Variants in MBTD1 observed in about 807,000 individuals in gnomAD.
MBTD1 encodes mbt domain containing 1, also known as MBT domain-containing protein 1.
MBTD1 carries 24 observed loss-of-function variants against 87.8 expected under a neutral mutation model. That is an observed-to-expected ratio of 0.27 (90% CI 0.20 to 0.38). MBTD1 has a LOEUF of 0.38. MBTD1 is among the 10% of genes least tolerant of loss of function. The pLI is 1.00. For missense variants in MBTD1, 436 were observed against 760.2 expected, an observed-to-expected ratio of 0.57 and a Z score of 5.02; for synonymous variants, 237 against 248.6, an observed-to-expected ratio of 0.95 and a Z score of 0.44.
chr17:51,260,926 G>A (rs574821112), upstream of MBTD1: 17 of 1,554,046 alleles, frequency 1.1e-5, no homozygotes, highest in East Asian at 2.6e-5. Flanking sequence ...GAGGCCCGAG[G>A]GTGAGGGAGG....
rs1398004814 is a variant in MBTD1 at position 51,225,153 on chromosome 17, G to A, written c.9C>T (p.Asp3=). ...TGTCCTCACTGCAGCTATCATAACC[G>A]TCAAACATCCCGAAAGAATCTCTTC... MF[D]GYDSCSEDTS... Residue 3 remains aspartate (D), a synonymous_variant, in exon 3 of 17, where the codon GAC becomes GAT. Coordinates refer to ENST00000586178, the MANE Select transcript of MBTD1 (RefSeq NM_017643.3). 9.7e-6 allele frequency: 15 copies of A among 1,543,622 alleles called. No homozygotes were observed. Among genetic ancestry groups the A allele is most frequent in the Admixed American group, 2.0e-5 (1 of 48,940 alleles).
At chr17:51,195,137 T>C in intron 13 of MBTD1, 77 bp downstream of exon 13, 1 of 1,303,348 alleles carries the variant, frequency 7.7e-7, no homozygotes, top group Non-Finnish European at 1.1e-6. Context: ...TCTAGGGCTG[T>C]GTTAAATGTT....
intron 12 of MBTD1, 82 bp from the exon 13 acceptor site, chr17:51,195,443 G>A: frequency 3.4e-6 from 4 of 1,164,942 alleles, no homozygotes; most frequent in African/African-American, 1.6e-5. Flanking sequence ...TAAAAGAAAG[G>A]AAAATCTATT....
At chr17:51,202,997 T>A in intron 9 of MBTD1, 62 bp from the exon 10 acceptor site, 1 of 1,384,104 alleles carries the variant, frequency 7.2e-7, no homozygotes, top group Non-Finnish European at 1.0e-6. Flanking sequence ...GAAATTTTTG[T>A]ATTATACTGT....
Position 51,202,901 on chromosome 17 carries a change from C to A in MBTD1, c.863G>T (p.Cys288Phe). 2 of 1,614,060 alleles carry A rather than the reference C, an allele frequency of 1.2e-6. No homozygotes were observed. The highest frequency in any genetic ancestry group is 8.5e-7 in the Non-Finnish European group (1 of 1,179,966). ...SESMQYPFKPCMRVEVVDKRH... is the reference protein window; with the variant it reads ...SESMQYPFKPFMRVEVVDKRH... ...CTTGTCAACCACTTCTACTCTCATG[C>A]AAGGTTTGAAAGGATACTGCATACT... is the stretch of plus-strand genomic sequence containing the variant. Residue 288 changes from cysteine (C) to phenylalanine (F), a missense_variant, in exon 10 of 17, where the codon TGC (cysteine) becomes TTC (phenylalanine). Physicochemically the swap from Cys to Phe is radical, Grantham distance 205. This residue lies in a region of MBTD1 where 268 missense variants were observed against 401.8 expected (regional missense o/e 0.67). Coordinates refer to ENST00000586178, the MANE Select transcript of MBTD1 (RefSeq NM_017643.3).
intron 6 of MBTD1, among the ~76,000 whole-genome samples, chr17:51,216,747 C>T (rs1026519677): frequency 4.6e-5 from 7 of 152,154 alleles, no homozygotes; most frequent in Non-Finnish European, 7.4e-5. Context: ...CTAGCAATTT[C>T]ATTTACTTTC....
chr17:51,184,520 C>T (rs2050449884), intron 16 of MBTD1: 1 of 152,224 alleles, frequency 6.6e-6, no homozygotes, highest in African/African-American at 2.4e-5. Context: ...CCAAGTCCCA[C>T]AAGTTGTGCC....
intron 6 of MBTD1, among the ~76,000 whole-genome samples, chr17:51,210,406 G>A (rs574310249): frequency 6.6e-6 from 1 of 152,232 alleles, no homozygotes; most frequent in South Asian, 2.1e-4. Flanking sequence ...GTGGAAGTAA[G>A]ATTAAGGCTG....
chr17:51,218,865 T>A, intron 5 of MBTD1, 65 bp downstream of exon 5: 3 of 946,996 alleles, frequency 3.2e-6, no homozygotes, highest in African/African-American at 1.6e-5. Flanking sequence ...AATTACAATG[T>A]CATTAATTAA....
intron 6 of MBTD1, among the ~76,000 whole-genome samples, chr17:51,213,086 T>A (rs2052349906): frequency 6.6e-6 from 1 of 152,150 alleles, no homozygotes; most frequent in East Asian, 1.9e-4. Context: ...TCACCTAGGC[T>A]GGAGTGCAGT....
intron 16 of MBTD1, among the ~76,000 whole-genome samples, chr17:51,186,785 A>C (rs910835666): frequency 3.7e-4 from 56 of 151,858 alleles, no homozygotes; most frequent in African/African-American, 1.3e-3. Flanking sequence ...AAAAAAAAAA[A>C]CCAAAACAAA....
chr17:51,201,537 G>T, intron 12 of MBTD1, 55 bp downstream of exon 12: 1 of 1,143,930 alleles, frequency 8.7e-7, no homozygotes, highest in Non-Finnish European at 1.3e-6. Context: ...CCTTCTATTA[G>T]CTTATACCCA....
chr17:51,257,114 CAA>C (rs893226572), intron 2 of MBTD1, among the ~76,000 whole-genome samples: 4 of 152,184 alleles, frequency 2.6e-5, no homozygotes, highest in African/African-American at 9.7e-5. Flanking sequence ...TGCCTGAAAT[CAA>C]AAGTCATCTT....
chr17:51,252,331 C>A (rs1598441177), intron 2 of MBTD1, among the ~76,000 whole-genome samples: 1 of 152,124 alleles, frequency 6.6e-6, no homozygotes, highest in African/African-American at 2.4e-5. Context: ...TCTCCCCCCT[C>A]CCCAATACTG....
chr17:51,193,166 T>C lies in MBTD1; in HGVS notation c.1456-150A>G, dbSNP rs149834848. ...AAATAATTCTTTAACTATTTAAACA[T>C]AGTACGAAGGTGAAGTATTTAAAAA... On this transcript the variant is annotated intron_variant, in intron 14 of 16. Transcript: ENST00000586178. 7.6e-4 allele frequency: 483 copies of C among 634,470 alleles called. 4 individuals carry two copies. The highest frequency in any genetic ancestry group is 7.3e-3 in the African/African-American group (398 of 54,520). The allele number at this position is 634,470 out of a possible 1,614,324, so 39.3% of individuals were successfully genotyped here. A position where few individuals can be genotyped will look rare whatever the true frequency, so the allele number is the denominator to read the frequency against.
intron 5 of MBTD1, among the ~76,000 whole-genome samples, chr17:51,217,976 G>C (rs1030293297): frequency 6.6e-6 from 1 of 152,190 alleles, no homozygotes; most frequent in African/African-American, 2.4e-5. Context: ...GGGGAACAAA[G>C]AGAAGTTGAG....
chr17:51,183,996 G>A (rs2050429525), intron 16 of MBTD1: 1 of 152,186 alleles, frequency 6.6e-6, no homozygotes, highest in Non-Finnish European at 1.5e-5. Flanking sequence ...AGAAAGGTAA[G>A]TTGAGATTCT....
chr17:51,240,826 A>G (rs537729641), intron 2 of MBTD1, among the ~76,000 whole-genome samples: 48 of 152,318 alleles, frequency 3.2e-4, no homozygotes, highest in African/African-American at 1.1e-3. Context: ...TCTTCTGTAT[A>G]GATTTCCTCT....
At chr17:51,234,898 T>G (rs1191656787) in intron 2 of MBTD1, among the ~76,000 whole-genome samples, 1 of 152,038 alleles carries the variant, frequency 6.6e-6, no homozygotes, top group Non-Finnish European at 1.5e-5. Context: ...AGTTTCTCCA[T>G]GTTGGTCAGG....
Sources: gnomAD v4.1 joint callset for allele counts (sites outside exome capture counted in the v4.1 genomes callset) on GRCh38, gnomAD v4.1.1 for gene constraint, gnomAD v4.1.1 regional missense constraint, MANE v1.5 for transcripts, NCBI Gene and HGNC (gene_info 2026-07-23, HGNC 2026-07-21) for gene names.